The following ZNF407 variants were observed in gnomAD, a reference collection of about 807,000 sequenced individuals.
The protein encoded by ZNF407 is zinc finger protein 407.
In ZNF407, 17 loss-of-function variants were observed where a neutral mutation model predicts 131.2. That is an observed-to-expected ratio of 0.13 (90% CI 0.09 to 0.19). The LOEUF (loss-of-function observed/expected upper bound fraction) is 0.19. ZNF407 is among the 10% of genes least tolerant of loss of function. ZNF407 has a pLI of 1.00. For missense variants in ZNF407, 2,681 were observed against 2,830.6 expected (o/e 0.95, Z 1.20); for synonymous variants, 1,156 against 1,062.0 (o/e 1.09, Z -1.72).
At chr18:74,975,521 A>T (rs998654669) in intron 8 of ZNF407, among the ~76,000 whole-genome samples, 2 of 152,186 alleles carry the variant, frequency 1.3e-5, no homozygotes, top group Admixed American at 1.3e-4. Context: ...GGATTAAAAA[A>T]CTAGCAGGAA....
At chr18:74,785,382 C>A (rs537300893) in intron 4 of ZNF407, among the ~76,000 whole-genome samples, 1 of 152,138 alleles carries the variant, frequency 6.6e-6, no homozygotes, top group Non-Finnish European at 1.5e-5. Context: ...GCTGGCCTCT[C>A]CCCTTTTATG....
At chr18:74,726,096 T>G (rs932496159) in intron 3 of ZNF407, among the ~76,000 whole-genome samples, 3 of 152,210 alleles carry the variant, frequency 2.0e-5, no homozygotes, top group Admixed American at 6.5e-5. Flanking sequence ...AGTGTATTTT[T>G]AGAGCCACTT....
intron 8 of ZNF407, among the ~76,000 whole-genome samples, chr18:75,027,469 G>A (rs899653866): frequency 6.6e-6 from 1 of 152,216 alleles, no homozygotes; most frequent in African/African-American, 2.4e-5. Context: ...GGCTAAGAGT[G>A]TAGCCATGGA....
intron 7 of ZNF407, among the ~76,000 whole-genome samples, chr18:74,892,590 G>T (rs1335407330): frequency 6.6e-6 from 1 of 152,116 alleles, no homozygotes; most frequent in Admixed American, 6.6e-5. Flanking sequence ...GTCCTGAAGG[G>T]CTTCAGTGTG....
intron 4 of ZNF407, among the ~76,000 whole-genome samples, chr18:74,831,409 ACT>A (rs1349139716): frequency 4.0e-5 from 6 of 151,470 alleles, no homozygotes; most frequent in South Asian, 2.1e-4. Flanking sequence ...TTAAACAGTA[ACT>A]CTCTGTTTTT....
chr18:74,737,882 C>G lies in ZNF407; in HGVS notation c.4803-43546C>G, dbSNP rs376695435. On this transcript the variant is annotated intron_variant, in intron 3 of 8. Coordinates refer to ENST00000299687, the MANE Select transcript of ZNF407 (RefSeq NM_017757.3). ...TATAATATTAATCATGAGAATCTTGCTATATTTTGTTATATTTATGAACAT... is the reference window on the plus strand; with the variant it reads ...TATAATATTAATCATGAGAATCTTGGTATATTTTGTTATATTTATGAACAT... 7.9e-5 allele frequency among the ~76,000 whole-genome samples: 12 copies of G among 152,142 alleles called. No homozygotes were observed. In the East Asian group the frequency reaches 1.5e-3, roughly 20 times the overall value.
At chr18:74,647,951 C>T (rs149772649) in intron 3 of ZNF407, among the ~76,000 whole-genome samples, 16 of 152,156 alleles carry the variant, frequency 1.1e-4, no homozygotes, top group East Asian at 1.9e-4. Context: ...CACATTTGGA[C>T]GTTTTTAACA....
At chr18:74,915,353 CATGTGTGT>C (rs1971735635) in intron 7 of ZNF407, among the ~76,000 whole-genome samples, 1 of 74,108 alleles carries the variant, frequency 1.3e-5, no homozygotes, top group Admixed American at 1.3e-4. Flanking sequence ...TGTGTGTGTG[CATGTGTGT>C]GCTGGTATGG....
rs960451662 is a variant in ZNF407, at chr18:74,616,412, T to A, written c.-53-14555T>A. On this transcript the variant is annotated intron_variant, in intron 1 of 8. Transcript: ENST00000299687. ...AGAACTGCTAAGTGGAGTAAAGGTT[T>A]TGTCAGGTCTAAGAAAACCTTTGTC... Among the ~76,000 whole-genome samples, 262 of 152,254 alleles carry A rather than the reference T, an allele frequency of 1.7e-3. 3 individuals carry two copies. The highest frequency in any genetic ancestry group is 0.014 in the Admixed American group (207 of 15,304).
At chr18:74,837,867 T>C (rs1202771922) in intron 4 of ZNF407, among the ~76,000 whole-genome samples, 1 of 152,146 alleles carries the variant, frequency 6.6e-6, no homozygotes, top group African/African-American at 2.4e-5. Flanking sequence ...TTACCCAGTT[T>C]GATCTTGAAC....
At chr18:75,010,180 A>T (rs1303592073) in intron 8 of ZNF407, among the ~76,000 whole-genome samples, 1 of 152,202 alleles carries the variant, frequency 6.6e-6, no homozygotes, top group African/African-American at 2.4e-5. Flanking sequence ...GACAACCGTG[A>T]TCTGACTTCC....
chr18:74,949,929 C>A (rs1972194952), intron 8 of ZNF407, among the ~76,000 whole-genome samples: 1 of 152,190 alleles, frequency 6.6e-6, no homozygotes, highest in African/African-American at 2.4e-5. Context: ...CAAGAAAAAA[C>A]AATACTGATA....
At chr18:74,624,512 C>T (rs1983704003) in intron 1 of ZNF407, among the ~76,000 whole-genome samples, 1 of 152,228 alleles carries the variant, frequency 6.6e-6, no homozygotes, top group Middle Eastern at 3.2e-3. Context: ...TAAACTCTTA[C>T]ACTGAGCTCT....
chr18:74,991,262 T>A (rs534462689), intron 8 of ZNF407, among the ~76,000 whole-genome samples: 3 of 152,332 alleles, frequency 2.0e-5, no homozygotes, highest in African/African-American at 7.2e-5. Context: ...AAGCTTCACA[T>A]AGCTGTTTGT....
intron 3 of ZNF407, among the ~76,000 whole-genome samples, chr18:74,741,125 A>G (rs886214024): frequency 2.0e-5 from 3 of 152,200 alleles, no homozygotes; most frequent in Non-Finnish European, 2.9e-5. Flanking sequence ...GAAGTCCTTC[A>G]GTGGATAATA....
chr18:74,622,946 CTG>C (rs532515139), intron 1 of ZNF407, among the ~76,000 whole-genome samples: 116 of 151,274 alleles, frequency 7.7e-4, no homozygotes, highest in African/African-American at 2.0e-3. Context: ...GTGTATATAT[CTG>C]TGTGTCAGTG....
At chr18:74,977,636 C>T (rs542585146) in intron 8 of ZNF407, among the ~76,000 whole-genome samples, 1 of 152,220 alleles carries the variant, frequency 6.6e-6, no homozygotes, top group Non-Finnish European at 1.5e-5. Flanking sequence ...TCTTGGCAGG[C>T]TCCACAGAAG....
chr18:74,623,158 G>T (rs1337253731), intron 1 of ZNF407, among the ~76,000 whole-genome samples: 6 of 5,330 alleles, frequency 1.1e-3, no homozygotes, highest in African/African-American at 2.1e-3. Context: ...GTGTGAGTGC[G>T]TGTGTGTGTA....
intron 8 of ZNF407, among the ~76,000 whole-genome samples, chr18:74,953,292 G>A (rs79465674): frequency 0.036 from 5,477 of 152,246 alleles, 357 homozygotes; most frequent in African/African-American, 0.12. Flanking sequence ...CTGTGCTCTC[G>A]TCAGCTTGGC....
Sources: allele counts gnomAD v4.1 joint callset (sites outside exome capture counted in the v4.1 genomes callset), GRCh38; gene constraint gnomAD v4.1.1; transcripts MANE v1.5; gene names NCBI Gene and HGNC (gene_info 2026-07-23, HGNC 2026-07-21).